PCDH15: variants seen among roughly 807,000 people sequenced by gnomAD.
The protein encoded by PCDH15 is protocadherin-15.
A neutral mutation model predicts 178.5 loss-of-function variants in PCDH15; 129 were observed. That is an observed-to-expected ratio of 0.72 (90% confidence interval 0.63 to 0.84). The LOEUF is 0.84. Among genes scored for constraint, PCDH15 ranks in the 40% least tolerant of loss-of-function variants. The probability of loss-of-function intolerance (pLI) is 0.00; values close to 1 mark genes in which losing one functional copy is unlikely to be tolerated. For missense variants in PCDH15, 2,230 were observed against 2,099.9 expected, an observed-to-expected ratio of 1.06 and a Z score of -1.21; for synonymous variants, 800 against 732.0, an observed-to-expected ratio of 1.09 and a Z score of -1.50.
chr10:53,818,646 C>T (rs1490925614), intron 33 of PCDH15, among the ~76,000 whole-genome samples: 1 of 151,844 alleles, frequency 6.6e-6, no homozygotes, highest in African/African-American at 2.4e-5. Flanking sequence ...GATGGTGAAA[C>T]GTTTGACTAT....
chr10:55,341,355 CTA>C (rs1844550787), intron 2 of PCDH15, among the ~76,000 whole-genome samples: 3 of 151,886 alleles, frequency 2.0e-5, no homozygotes, highest in African/African-American at 4.8e-5. Context: ...AAGTAAGTAA[CTA>C]TCATACTCAA....
At chr10:54,439,781 A>G (rs1010666414) in intron 3 of PCDH15, among the ~76,000 whole-genome samples, 1 of 152,102 alleles carries the variant, frequency 6.6e-6, no homozygotes, top group African/African-American at 2.4e-5. Flanking sequence ...TATAAAATTA[A>G]TAACTTTGCT....
intron 1 of PCDH15, among the ~76,000 whole-genome samples, chr10:54,745,592 G>A (rs1566107111): frequency 1.3e-5 from 2 of 152,136 alleles, no homozygotes; most frequent in Non-Finnish European, 2.9e-5. Context: ...GTTTCTGGCT[G>A]GATTCCACAT....
chr10:55,094,387 G>A (rs1292221112), intron 2 of PCDH15, among the ~76,000 whole-genome samples: 3 of 151,620 alleles, frequency 2.0e-5, no homozygotes, highest in Non-Finnish European at 4.4e-5. Context: ...ACAGGGGCCT[G>A]TTGTGGGGTA....
At chr10:54,214,697 T>C (rs1052833344) in intron 9 of PCDH15, among the ~76,000 whole-genome samples, 24 of 152,170 alleles carry the variant, frequency 1.6e-4, no homozygotes, top group Non-Finnish European at 2.5e-4. Context: ...GTTCAAGTGG[T>C]TCCCCTGCCT....
rs77417387 is a variant in PCDH15 at position 54,147,195 on chromosome 10, CATT to C, written c.1784+5902_1784+5904del. 3.7e-3 allele frequency among the ~76,000 whole-genome samples: 553 copies of C among 151,494 alleles called. 4 individuals carry two copies. The highest frequency in any genetic ancestry group is 5.6e-3 in the Non-Finnish European group (381 of 67,672). On this transcript the variant is annotated intron_variant, in intron 14 of 37. Coordinates refer to ENST00000644397, the MANE Select transcript of PCDH15 (RefSeq NM_001384140.1). ...TATGATTATCCTACAGTGAACATGA[CATT>C]ATCTCAGCAGGTAGAATGGAAGTAT...
chr10:54,786,043 T>C (rs1321048097), intron 1 of PCDH15, among the ~76,000 whole-genome samples: 1 of 152,018 alleles, frequency 6.6e-6, no homozygotes, highest in Non-Finnish European at 1.5e-5. Context: ...TATGATATAA[T>C]ATGCACTTAT....
At chr10:54,565,980 A>C (rs970596823) in intron 2 of PCDH15, among the ~76,000 whole-genome samples, 5 of 152,186 alleles carry the variant, frequency 3.3e-5, no homozygotes, top group Non-Finnish European at 7.3e-5. Flanking sequence ...GCTACTTGGG[A>C]GGCTGAGGCA....
At position 54,215,306 on chromosome 10, in the gene PCDH15, A is replaced by G. The variant is rs142248346; in HGVS notation, c.986-1258T>C. ...TTACTACTTATTTTCCTCAACTCTG[A>G]GACAAGAAGGGAAATTCTACTGGGC... On this transcript the variant is annotated intron_variant, in intron 9 of 37. Transcript: ENST00000644397. Among the ~76,000 whole-genome samples, 44 of 151,002 alleles carry G rather than the reference A, an allele frequency of 2.9e-4. No individual in the cohort carries two copies. In the East Asian group the frequency reaches 8.1e-3, roughly 28 times the overall value.
At position 55,105,104 on chromosome 10, in the gene PCDH15, A is replaced by G. The variant is rs149174350; in HGVS notation, c.-80+61472T>C. On this transcript the variant is annotated intron_variant, in intron 2 of 5. Transcript: ENST00000458638. ...TTTGTTTACATTTCTCTCTGCTGAG[A>G]ATGGTGTCAGGTATGGTCTGTAAGT... Among the ~76,000 whole-genome samples, 727 of 152,300 alleles carry G rather than the reference A, an allele frequency of 4.8e-3. 6 individuals are homozygous for G. Among genetic ancestry groups the G allele is most frequent in the African/African-American group, 0.017 (702 of 41,564 alleles).
chr10:54,398,988 C>T (rs553957560), intron 3 of PCDH15, among the ~76,000 whole-genome samples: 1 of 152,218 alleles, frequency 6.6e-6, no homozygotes, highest in African/African-American at 2.4e-5. Flanking sequence ...CCACAGTAAA[C>T]TGTCTCTGGC....
intron 2 of PCDH15, among the ~76,000 whole-genome samples, chr10:55,143,337 T>C (rs1217462926): frequency 1.3e-5 from 2 of 152,096 alleles, no homozygotes; most frequent in African/African-American, 4.8e-5. Flanking sequence ...TTAAAAATAT[T>C]ACTACAGAAG....
intron 2 of PCDH15, among the ~76,000 whole-genome samples, chr10:54,637,410 G>A (rs1445077835): frequency 6.6e-6 from 1 of 151,928 alleles, no homozygotes. Context: ...TATCCCTTCT[G>A]TAGGTCAAAA....
chr10:55,332,047 AAG>A (rs989379853), intron 2 of PCDH15, among the ~76,000 whole-genome samples: 1 of 152,148 alleles, frequency 6.6e-6, no homozygotes. Flanking sequence ...TTTGACATAA[AAG>A]AGTAAATAGA....
intron 1 of PCDH15, among the ~76,000 whole-genome samples, chr10:54,702,029 A>G (rs568255512): frequency 1.4e-4 from 22 of 152,070 alleles, no homozygotes; most frequent in Non-Finnish European, 2.8e-4. Context: ...CATGACACAT[A>G]CTATATAATC....
At chr10:55,057,283 T>A (rs1197439081) in intron 2 of PCDH15, among the ~76,000 whole-genome samples, 1 of 152,168 alleles carries the variant, frequency 6.6e-6, no homozygotes, top group Non-Finnish European at 1.5e-5. Context: ...GATTTCTGTA[T>A]TTTGGTATTC....
At chr10:54,014,080 A>G (rs2092670563) in intron 20 of PCDH15, among the ~76,000 whole-genome samples, 1 of 152,086 alleles carries the variant, frequency 6.6e-6, no homozygotes. Context: ...ACTGAATGAA[A>G]AAAGACATTA....
intron 6 of PCDH15, among the ~76,000 whole-genome samples, chr10:54,331,009 G>T (rs1939421383): frequency 6.6e-6 from 1 of 151,626 alleles, no homozygotes; most frequent in Non-Finnish European, 1.5e-5. Context: ...AAGGCAAGGG[G>T]AAGGAGAAGA....
At chr10:54,199,570 C>CAACAACAACAAT (rs142287657) in intron 10 of PCDH15, among the ~76,000 whole-genome samples, 91 of 142,528 alleles carry the variant, frequency 6.4e-4, no homozygotes, top group Non-Finnish European at 1.2e-3. Flanking sequence ...ACAACAACAA[C>CAACAACAACAAT]AATAATAATA....
Sources: allele counts gnomAD v4.1 joint callset (sites outside exome capture counted in the v4.1 genomes callset), GRCh38; gene constraint gnomAD v4.1.1; transcripts MANE v1.5; gene names NCBI Gene and HGNC (gene_info 2026-07-23, HGNC 2026-07-21).